The following CLTB variants were observed in gnomAD, a reference collection of about 807,000 sequenced individuals.
The protein encoded by CLTB is clathrin light chain B, also known as clathrin, light chain (Lcb).
A neutral mutation model predicts 30.5 loss-of-function variants in CLTB; 10 were observed. The observed-to-expected ratio is 0.33, with a 90% confidence interval of 0.20 to 0.56. The LOEUF (loss-of-function observed/expected upper bound fraction) is 0.56. Among genes scored for constraint, CLTB ranks in the 20% least tolerant of loss-of-function variants. CLTB has a pLI of 0.91. For synonymous variants in CLTB, 102 were observed against 120.3 expected, an observed-to-expected ratio of 0.85 and a Z score of 1.00; for missense variants, 261 against 308.3, an observed-to-expected ratio of 0.85 and a Z score of 1.15.
chr5:176,410,381 C>T, intron 1 of CLTB, 78 bp from the exon 2 acceptor site: 2 of 1,213,586 alleles, frequency 1.6e-6, no homozygotes, highest in Non-Finnish European at 2.4e-6. Context: ...ATTAGCCCCT[C>T]AACCCAAACT....
At chr5:176,412,788 G>A (rs1757510667) in intron 1 of CLTB, among the ~76,000 whole-genome samples, 1 of 152,154 alleles carries the variant, frequency 6.6e-6, no homozygotes, top group Non-Finnish European at 1.5e-5. Flanking sequence ...CTGCATGGGT[G>A]TCCTGGCCCC....
rs987877373 is a variant in CLTB, at chr5:176,397,772, C to G, written c.353-54G>C. On this transcript the variant is annotated intron_variant, in intron 3 of 5. Coordinates refer to ENST00000310418, the MANE Select transcript of CLTB (RefSeq NM_007097.5). ...GCTTTCCAGCTGGGATGCACAGGCC[C>G]GGCCGCGCTCCTCCCCTGGCCCCTG... The G allele has an allele frequency of 3.2e-6, 5 of 1,559,460 alleles. No homozygotes were observed. The East Asian group carries it at 1.1e-4, about 35-fold the overall frequency.
At chr5:176,406,824 T>C (rs758523665) in intron 2 of CLTB, 56 of 727,450 alleles carry the variant, frequency 7.7e-5, no homozygotes, top group South Asian at 4.5e-4. Flanking sequence ...AGACCTGCTA[T>C]GCTCAATCCT....
intron 1 of CLTB, among the ~76,000 whole-genome samples, chr5:176,413,523 A>C (rs1414200573): frequency 6.6e-6 from 1 of 152,108 alleles, no homozygotes; most frequent in African/African-American, 2.4e-5. Flanking sequence ...TACACCAGAT[A>C]CCTCTTTCCC....
At chr5:176,403,771 T>A (rs999683019) in intron 2 of CLTB, among the ~76,000 whole-genome samples, 3 of 146,382 alleles carry the variant, frequency 2.0e-5, no homozygotes, top group Non-Finnish European at 3.0e-5. Flanking sequence ...GTGTGTGTGT[T>A]TGTTTTGAGA....
intron 4 of CLTB, among the ~76,000 whole-genome samples, chr5:176,397,314 A>C: frequency 1.4e-5 from 2 of 144,042 alleles, no homozygotes; most frequent in African/African-American, 2.6e-5. Flanking sequence ...AGCCCCTCTC[A>C]TGTCCCCATA....
chr5:176,394,610 G>C (rs62402493), intron 5 of CLTB, among the ~76,000 whole-genome samples: 64 of 151,896 alleles, frequency 4.2e-4, no homozygotes, highest in Admixed American at 1.5e-3. Flanking sequence ...GAGGTCAGAT[G>C]GAGAGCATCC....
In CLTB at chr5:176,406,105, A is replaced by C. The variant is rs911764113; in HGVS notation, c.234+4152T>G. ...TTTTCCTGCCCCTGTCCCCACCCCT[A>C]CCCTTGCCAGTGACAGTGTCACGGG... On this transcript the variant is annotated intron_variant, in intron 2 of 5. Transcript: ENST00000310418. The C allele has an allele frequency of 2.1e-4, 206 of 968,466 alleles. 1 individual carries two copies. Among genetic ancestry groups the C allele is most frequent in the Non-Finnish European group, 2.4e-4 (198 of 815,018 alleles). 60.0% of individuals were successfully genotyped at this position (968,466 alleles called of 1,614,324 possible). A position where few individuals can be genotyped will look rare whatever the true frequency, so the allele number is the denominator to read the frequency against.
intron 2 of CLTB, among the ~76,000 whole-genome samples, chr5:176,403,219 T>C (rs1756915874): frequency 6.6e-6 from 1 of 151,948 alleles, no homozygotes; most frequent in Non-Finnish European, 1.5e-5. Flanking sequence ...CTGGCTACTT[T>C]TTTTATTTTT....
At chr5:176,410,035 G>T (rs1453095061) in intron 2 of CLTB, among the ~76,000 whole-genome samples, 3 of 152,264 alleles carry the variant, frequency 2.0e-5, no homozygotes, top group East Asian at 3.9e-4. Context: ...GGCAACCTGA[G>T]GCTACTGCCC....
intron 2 of CLTB, chr5:176,406,705 C>T (rs753141820): frequency 3.2e-5 from 41 of 1,285,914 alleles, no homozygotes; most frequent in African/African-American, 9.1e-5. Context: ...TGGTGGTGCA[C>T]GGGCTGCAGA....
At chr5:176,395,859 G>C (rs1349055392) in intron 5 of CLTB, among the ~76,000 whole-genome samples, 2 of 152,192 alleles carry the variant, frequency 1.3e-5, no homozygotes, top group Non-Finnish European at 2.9e-5. Context: ...CTTCAGCTGG[G>C]TGTGGTGGCT....
intron 1 of CLTB, among the ~76,000 whole-genome samples, chr5:176,411,887 C>T (rs1375267305): frequency 6.6e-6 from 1 of 152,040 alleles, no homozygotes; most frequent in African/African-American, 2.4e-5. Context: ...CTAAAGAATG[C>T]TTTTTTGGGC....
chr5:176,414,493 G>A (rs1444190102), intron 1 of CLTB, among the ~76,000 whole-genome samples: 3 of 147,204 alleles, frequency 2.0e-5, no homozygotes, highest in Non-Finnish European at 3.0e-5. Flanking sequence ...GTACAGAGAC[G>A]TGATCACAGC....
At chr5:176,397,066 G>A (rs751859878) in intron 4 of CLTB, among the ~76,000 whole-genome samples, 1 of 152,070 alleles carries the variant, frequency 6.6e-6, no homozygotes, top group Admixed American at 6.5e-5. Flanking sequence ...GGGCCCTACT[G>A]TATTTGAGCT....
intron 1 of CLTB, among the ~76,000 whole-genome samples, chr5:176,415,660 G>T (rs1757656321): frequency 6.6e-6 from 1 of 152,254 alleles, no homozygotes. Context: ...TCACGTGTAT[G>T]AAGTGATTAA....
intron 1 of CLTB, among the ~76,000 whole-genome samples, chr5:176,415,439 T>C (rs1319932085): frequency 6.6e-6 from 1 of 151,802 alleles, no homozygotes; most frequent in Non-Finnish European, 1.5e-5. Flanking sequence ...TCCCAACACT[T>C]TAGGAGGCAG....
chr5:176,416,107 C>A (rs1053585812), intron 1 of CLTB, 70 bp downstream of exon 1: 1 of 1,380,386 alleles, frequency 7.2e-7, no homozygotes, highest in Non-Finnish European at 9.4e-7. Context: ...CTTCCCTGTG[C>A]CCCTGGGCCC....
chr5:176,415,096 T>C (rs1310832759), intron 1 of CLTB, among the ~76,000 whole-genome samples: 2 of 152,246 alleles, frequency 1.3e-5, no homozygotes, highest in African/African-American at 4.8e-5. Context: ...TTTTACTAAA[T>C]ATTTTACAAA....
Sources: gnomAD v4.1 joint callset for allele counts (sites outside exome capture counted in the v4.1 genomes callset) on GRCh38, gnomAD v4.1.1 for gene constraint, MANE v1.5 for transcripts, NCBI Gene and HGNC (gene_info 2026-07-23, HGNC 2026-07-21) for gene names.